Variants in ZNF487 observed in about 807,000 individuals in gnomAD.
The protein encoded by ZNF487 is zinc finger protein 487, also known as KRAB domain only 1.
ZNF487 carries 4 observed loss-of-function variants against 3.0 expected under a neutral mutation model. The ratio of observed to expected loss-of-function variants is 1.35; its 90% CI spans 0.66 to 3.08. ZNF487 has a LOEUF of 3.08. Among genes scored for constraint, ZNF487 ranks in the 30% most tolerant of loss-of-function variants. ZNF487 has a pLI of 0.01. For missense variants in ZNF487, 146 were observed against 98.7 expected (o/e 1.48, Z -2.03); for synonymous variants, 55 against 34.6 (o/e 1.59, Z -2.06).
chr10:43,477,653 G>GAA (rs11285621), intron 3 of ZNF487, among the ~76,000 whole-genome samples: 30 of 145,708 alleles, frequency 2.1e-4, no homozygotes, highest in Admixed American at 6.2e-4. Context: ...GGATTAGACT[G>GAA]AAAAAAAAAA....
intron 1 of ZNF487, among the ~76,000 whole-genome samples, chr10:43,473,102 T>G (rs1305840412): frequency 1.3e-5 from 2 of 148,644 alleles, no homozygotes; most frequent in Non-Finnish European, 3.0e-5. Flanking sequence ...TACCATATAT[T>G]AGGACACTTT....
At chr10:43,490,791 C>G in the ZNF487 span, among the ~76,000 whole-genome samples, 1 of 150,818 alleles carries the variant, frequency 6.6e-6, no homozygotes, top group African/African-American at 2.5e-5. Context: ...TCCCCTGCCT[C>G]AGCCTCCTGA....
the ZNF487 span, chr10:43,495,893 A>T: frequency 2.4e-6 from 1 of 416,908 alleles, no homozygotes; most frequent in Non-Finnish European, 5.0e-6. Flanking sequence ...AGGACAGAGT[A>T]GGTATGCTGT....
rs926786220 is a variant in ZNF487, at chr10:43,450,542, C to T, written c.-94+13280C>T. Among the ~76,000 whole-genome samples the T allele has an allele frequency of 4.6e-5, 7 of 151,790 alleles. No homozygotes were observed. The East Asian group carries it at 7.8e-4, about 17-fold the overall frequency. On this transcript the variant is annotated intron_variant, in intron 1 of 3. Transcript: ENST00000437590. ...TAATTTTTTGTATTTTGAGTAGAGA[C>T]GGGGTTTCACCATGTTGGCCAGGAG...
chr10:43,500,235 C>CCT, the ZNF487 span, among the ~76,000 whole-genome samples: 3 of 151,862 alleles, frequency 2.0e-5, no homozygotes, highest in Non-Finnish European at 4.4e-5. Context: ...GTCTTGAACT[C>CCT]CTGAGCTCAA....
chr10:43,493,728 ATATATATAT>A, the ZNF487 span, among the ~76,000 whole-genome samples: 1 of 117,260 alleles, frequency 8.5e-6, no homozygotes, highest in Non-Finnish European at 1.8e-5. Context: ...ATATATATAT[ATATATATAT>A]ATGGCTTCCA....
At chr10:43,497,794 C>T in the ZNF487 span, among the ~76,000 whole-genome samples, 1 of 151,384 alleles carries the variant, frequency 6.6e-6, no homozygotes, top group African/African-American at 2.4e-5. Flanking sequence ...GGTGAAACCC[C>T]ATCTCTACTA....
At chr10:43,461,954 C>T (rs1288759790) in intron 1 of ZNF487, among the ~76,000 whole-genome samples, 1 of 152,128 alleles carries the variant, frequency 6.6e-6, no homozygotes, top group African/African-American at 2.4e-5. Flanking sequence ...TCACATAACC[C>T]CATTCAGACC....
At chr10:43,465,164 G>A (rs1284840087) in intron 1 of ZNF487, among the ~76,000 whole-genome samples, 20 of 122,426 alleles carry the variant, frequency 1.6e-4, no homozygotes, top group African/African-American at 5.4e-4. Context: ...CCTCCCTCCC[G>A]GAAGGGGCGG....
chr10:43,488,386 A>G, the ZNF487 span, among the ~76,000 whole-genome samples: 1 of 152,136 alleles, frequency 6.6e-6, no homozygotes, highest in Non-Finnish European at 1.5e-5. Context: ...AAGAAACTGG[A>G]AAAAAAGCAA....
chr10:43,438,247 G>A (rs762904244), intron 1 of ZNF487, among the ~76,000 whole-genome samples: 20 of 152,050 alleles, frequency 1.3e-4, no homozygotes, highest in Admixed American at 2.0e-4. Context: ...GTGCAGTGGC[G>A]TGATTTTGGC....
chr10:43,495,840 T>C, the ZNF487 span, among the ~76,000 whole-genome samples: 2 of 152,188 alleles, frequency 1.3e-5, no homozygotes, highest in African/African-American at 4.8e-5. Flanking sequence ...ATGGTTAAGG[T>C]ACTTTTGTGA....
At chr10:43,480,728 C>CTT (rs113421488) in intron 3 of ZNF487, among the ~76,000 whole-genome samples, 3 of 145,486 alleles carry the variant, frequency 2.1e-5, no homozygotes, top group Non-Finnish European at 3.0e-5. Flanking sequence ...CTCTCTCTCT[C>CTT]TTTTTTTTTT....
chr10:43,485,627 A>C (rs1230934487), downstream of ZNF487, among the ~76,000 whole-genome samples: 2 of 152,224 alleles, frequency 1.3e-5, no homozygotes, highest in Non-Finnish European at 2.9e-5. Context: ...CAGAGAATCA[A>C]AATATTGTAG....
chr10:43,463,538 G>GAA (rs1214008722), intron 1 of ZNF487, among the ~76,000 whole-genome samples: 2 of 141,814 alleles, frequency 1.4e-5, no homozygotes. Flanking sequence ...ACACTGTCTC[G>GAA]AAAAAAAAAA....
chr10:43,480,774 C>G (rs1385420821), intron 3 of ZNF487, among the ~76,000 whole-genome samples: 2 of 151,378 alleles, frequency 1.3e-5, no homozygotes, highest in Non-Finnish European at 2.9e-5. Context: ...GAGTTCAGAG[C>G]TTTTATTTTC....
chr10:43,457,612 C>T (rs912575072), intron 1 of ZNF487, among the ~76,000 whole-genome samples: 25 of 149,790 alleles, frequency 1.7e-4, no homozygotes, highest in African/African-American at 4.7e-4. Context: ...ATCGCTTGAA[C>T]GCGCGAGTTG....
At position 43,469,189 on chromosome 10, in the gene ZNF487, A is replaced by G. The variant is rs1176064075; in HGVS notation, c.-93-6532A>G. The stretch of plus-strand genomic sequence containing the variant: ...ACTATAGGCTCAGATGATTGTTAGC[A>G]TTTCTTTTATTTTACTTTATTTTTT... On this transcript the variant is annotated intron_variant, in intron 1 of 3. Transcript: ENST00000437590. Among the ~76,000 whole-genome samples, 4 of 151,674 alleles carry G rather than the reference A, an allele frequency of 2.6e-5. No individual in the cohort carries two copies. In the East Asian group the frequency reaches 7.7e-4, roughly 29 times the overall value.
chr10:43,491,009 C>T, the ZNF487 span, among the ~76,000 whole-genome samples: 888 of 129,928 alleles, frequency 6.8e-3, 26 homozygotes, highest in African/African-American at 0.026. Context: ...GACAGAGTCT[C>T]ACTCTGTCTC....
Sources: gnomAD v4.1 joint callset for allele counts (sites outside exome capture counted in the v4.1 genomes callset) on GRCh38, gnomAD v4.1.1 for gene constraint, MANE v1.5 for transcripts, NCBI Gene and HGNC (gene_info 2026-07-23, HGNC 2026-07-21) for gene names.